ADAMTS17: variants seen among roughly 807,000 people sequenced by gnomAD.
The protein encoded by ADAMTS17 is ADAM metallopeptidase with thrombospondin type 1 motif 17.
Under a neutral mutation model 141.5 loss-of-function variants are expected in ADAMTS17, and 113 were observed. The observed-to-expected ratio is 0.80, with a 90% CI of 0.69 to 0.93. The LOEUF is 0.93. ADAMTS17 is among the 40% of genes least tolerant of loss of function. ADAMTS17 has a pLI of 0.00. For synonymous variants in ADAMTS17, 768 were observed against 630.6 expected (o/e 1.22, Z -3.27); for missense variants, 1,659 against 1,517.9 (o/e 1.09, Z -1.54).
At chr15:100,175,381 G>A (rs978212717) in intron 8 of ADAMTS17, among the ~76,000 whole-genome samples, 1 of 152,128 alleles carries the variant, frequency 6.6e-6, no homozygotes, top group African/African-American at 2.4e-5. Flanking sequence ...TCTGCTTCAG[G>A]TAGGAGGTCG....
At chr15:100,011,347 A>AGGGATG (rs369543651) in intron 18 of ADAMTS17, among the ~76,000 whole-genome samples, 6 of 85,654 alleles carry the variant, frequency 7.0e-5, no homozygotes, top group Non-Finnish European at 1.6e-4. Flanking sequence ...GAAGGAAAGG[A>AGGGATG]GGAGGGACGG....
At chr15:100,040,405 T>C (rs1368471061) in intron 18 of ADAMTS17, among the ~76,000 whole-genome samples, 1 of 152,272 alleles carries the variant, frequency 6.6e-6, no homozygotes, top group African/African-American at 2.4e-5. Context: ...GTTGTTGTTC[T>C]TTCAGTATTC....
intron 7 of ADAMTS17, among the ~76,000 whole-genome samples, chr15:100,208,478 C>G (rs1345818642): frequency 6.6e-6 from 1 of 152,140 alleles, no homozygotes; most frequent in Non-Finnish European, 1.5e-5. Flanking sequence ...GGATGCTGGT[C>G]ACAAGGATGT....
At chr15:100,219,677 A>C (rs1200495379) in intron 7 of ADAMTS17, among the ~76,000 whole-genome samples, 1 of 152,186 alleles carries the variant, frequency 6.6e-6, no homozygotes, top group Non-Finnish European at 1.5e-5. Flanking sequence ...GACAAGGAGA[A>C]TCTATGGCAA....
At chr15:100,054,286 A>C (rs142416480) in intron 15 of ADAMTS17, among the ~76,000 whole-genome samples, 79 of 152,270 alleles carry the variant, frequency 5.2e-4, no homozygotes, top group African/African-American at 1.7e-3. Context: ...GAGCTGTGGG[A>C]TTGATGGGCA....
intron 12 of ADAMTS17, among the ~76,000 whole-genome samples, chr15:100,118,217 G>C (rs1326740567): frequency 1.3e-5 from 2 of 152,242 alleles, no homozygotes; most frequent in Non-Finnish European, 2.9e-5. Flanking sequence ...AAAGCAGCTA[G>C]AGATAACATG....
At chr15:100,187,260 TCTTTACAACC>T (rs1338231466) in intron 8 of ADAMTS17, among the ~76,000 whole-genome samples, 2 of 152,200 alleles carry the variant, frequency 1.3e-5, no homozygotes, top group Non-Finnish European at 2.9e-5. Flanking sequence ...AATGGGGGCA[TCTTTACAACC>T]CTTTGCAAAT....
intron 3 of ADAMTS17, among the ~76,000 whole-genome samples, chr15:100,328,094 A>G (rs903018218): frequency 3.3e-5 from 5 of 152,208 alleles, no homozygotes; most frequent in African/African-American, 1.2e-4. Flanking sequence ...AGGGTCACCA[A>G]CAGGGCACGA....
chr15:99,977,172 T>A (rs561982451), intron 20 of ADAMTS17, among the ~76,000 whole-genome samples: 2 of 151,224 alleles, frequency 1.3e-5, no homozygotes, highest in African/African-American at 4.9e-5. Flanking sequence ...AGTCACGCAC[T>A]AACATGTGGC....
intron 4 of ADAMTS17, among the ~76,000 whole-genome samples, chr15:100,266,630 A>G (rs76335766): frequency 0.012 from 1,801 of 152,138 alleles, 18 homozygotes; most frequent in Middle Eastern, 0.024. Context: ...CACCCTCCCC[A>G]TCACCCACAA....
intron 15 of ADAMTS17, among the ~76,000 whole-genome samples, chr15:100,067,861 T>C (rs2033655784): frequency 1.3e-5 from 2 of 152,122 alleles, no homozygotes; most frequent in African/African-American, 4.8e-5. Flanking sequence ...CATTTCCAAC[T>C]GAGGTACCGG....
intron 3 of ADAMTS17, among the ~76,000 whole-genome samples, chr15:100,316,871 C>T (rs1258088747): frequency 1.2e-4 from 19 of 152,242 alleles, no homozygotes; most frequent in Non-Finnish European, 5.9e-5. Context: ...GAAGTAGGGG[C>T]AGGCCCTGCC....
At chr15:100,054,931 G>T (rs1297028320) in intron 15 of ADAMTS17, among the ~76,000 whole-genome samples, 1 of 152,212 alleles carries the variant, frequency 6.6e-6, no homozygotes, top group Non-Finnish European at 1.5e-5. Context: ...CCACTTCGGG[G>T]TGAAGATCAT....
At position 100,199,112 on chromosome 15, in the gene ADAMTS17, A is replaced by G. The variant is rs111371371; in HGVS notation, c.1181+206T>C. On this transcript the variant is annotated intron_variant, in intron 8 of 21. Transcript: ENST00000268070. ...TAAGAATAGATGTGCACATCAAATT[A>G]ACATTTCAACTCTCCAAGCCAATCG... 6.2e-3 allele frequency among the ~76,000 whole-genome samples: 944 copies of G among 152,302 alleles called. 16 individuals carry two copies. The highest frequency in any genetic ancestry group is 0.022 in the African/African-American group (922 of 41,540).
Position 100,132,037 on chromosome 15 carries a change from C to A in ADAMTS17, c.1691G>T (p.Arg564Leu), listed in dbSNP as rs756808653. Reference sequence around the variant, plus strand: ...GTTGTCACATTTCCTCTGCCTGAAGCGGGCTCCCGTCCCACATGTTCGGCT... The same window carrying A: ...GTTGTCACATTTCCTCTGCCTGAAGAGGGCTCCCGTCCCACATGTTCGGCT... The part of the protein sequence containing the change: ...MCSRTCGTGA[R>L]FRQRKCDNPP... Residue 564 changes from arginine (R) to leucine (L), a missense_variant, in exon 12 of 22, where the codon CGC (arginine) becomes CTC (leucine). Transcript: ENST00000268070. 1.2e-5 allele frequency: 19 copies of A among 1,613,812 alleles called. No homozygotes were observed. Among genetic ancestry groups the A allele is most frequent in the Non-Finnish European group, 1.4e-5 (16 of 1,179,818 alleles).
intron 15 of ADAMTS17, among the ~76,000 whole-genome samples, chr15:100,060,416 T>C (rs2033025825): frequency 6.6e-6 from 1 of 152,166 alleles, no homozygotes; most frequent in African/African-American, 2.4e-5. Flanking sequence ...TGTGGACACT[T>C]ACACACCATC....
At chr15:100,175,563 G>A (rs2040309486) in intron 8 of ADAMTS17, among the ~76,000 whole-genome samples, 1 of 152,172 alleles carries the variant, frequency 6.6e-6, no homozygotes, top group Non-Finnish European at 1.5e-5. Context: ...ACTTCTAGGT[G>A]AAGGAATGCA....
Position 100,011,920 on chromosome 15 carries a change from G to A in ADAMTS17, c.2592-14331C>T, listed in dbSNP as rs1377822100. Among the ~76,000 whole-genome samples, 5 of 152,202 alleles carry A rather than the reference G, an allele frequency of 3.3e-5. No homozygotes were observed. The East Asian group carries it at 9.6e-4, about 29-fold the overall frequency. ...TGGGTACATACCCAGTGGTGGGATT[G>A]CTGGGCCAAATGGTAGTTCTACTTT... On this transcript the variant is annotated intron_variant, in intron 18 of 21. Coordinates refer to ENST00000268070, the MANE Select transcript of ADAMTS17 (RefSeq NM_139057.4).
At chr15:100,125,275 A>G (rs1200022994) in intron 12 of ADAMTS17, among the ~76,000 whole-genome samples, 1 of 152,254 alleles carries the variant, frequency 6.6e-6, no homozygotes, top group East Asian at 1.9e-4. Context: ...TGTCCAAGTA[A>G]CACATGTAAC....
Sources: gnomAD v4.1 joint callset for allele counts (sites outside exome capture counted in the v4.1 genomes callset) on GRCh38, gnomAD v4.1.1 for gene constraint, MANE v1.5 for transcripts, NCBI Gene and HGNC (gene_info 2026-07-23, HGNC 2026-07-21) for gene names.